Variants in CNTN4 observed in about 807,000 individuals in gnomAD.
CNTN4 encodes contactin 4.
In CNTN4, 77 loss-of-function variants were observed where a neutral mutation model predicts 122.5. The observed-to-expected ratio is 0.63, with a 90% CI of 0.52 to 0.76. CNTN4 has a LOEUF of 0.76. Among genes scored for constraint, CNTN4 ranks in the 30% least tolerant of loss-of-function variants. The pLI is 0.00. For missense variants in CNTN4, 1,256 were observed against 1,259.1 expected (o/e 1.00, Z 0.04); for synonymous variants, 512 against 447.0 (o/e 1.15, Z -1.83).
At chr3:2,848,577 A>T (rs2093494741) in intron 7 of CNTN4, among the ~76,000 whole-genome samples, 1 of 152,236 alleles carries the variant, frequency 6.6e-6, no homozygotes, top group Non-Finnish European at 1.5e-5. Flanking sequence ...GAGCTTAAAT[A>T]AACACGGGAA....
rs546701805 is a variant in CNTN4, at chr3:2,649,856, C to T, written c.55+78298C>T. Among the ~76,000 whole-genome samples, 31 of 151,812 alleles carry T rather than the reference C, an allele frequency of 2.0e-4. No homozygotes were observed. The East Asian group carries it at 4.6e-3, about 23-fold the overall frequency. On this transcript the variant is annotated intron_variant, in intron 4 of 24. Transcript: ENST00000418658. Reference sequence around the variant, plus strand: ...CATTAAGAAAATTTGTGGCTGGGCACGGTGGCTCATACCTGTAATACTAGC... The same window carrying T: ...CATTAAGAAAATTTGTGGCTGGGCATGGTGGCTCATACCTGTAATACTAGC...
At chr3:2,277,510 T>A (rs1473567062) in intron 2 of CNTN4, among the ~76,000 whole-genome samples, 1 of 152,122 alleles carries the variant, frequency 6.6e-6, no homozygotes, top group East Asian at 1.9e-4. Context: ...TTTCTTACCA[T>A]TGTTTTATTT....
intron 3 of CNTN4, among the ~76,000 whole-genome samples, chr3:2,566,957 A>G (rs1207479951): frequency 6.6e-6 from 1 of 152,152 alleles, no homozygotes; most frequent in Non-Finnish European, 1.5e-5. Flanking sequence ...TAAAATAGAT[A>G]TTATGTCCTT....
intron 4 of CNTN4, among the ~76,000 whole-genome samples, chr3:2,640,981 A>G (rs13095066): frequency 0.45 from 69,016 of 151,960 alleles, 16,019 homozygotes; most frequent in East Asian, 0.71. Context: ...ACAGGAAGAG[A>G]AAAAAATTGG....
At chr3:2,792,512 T>G (rs575921162) in intron 6 of CNTN4, among the ~76,000 whole-genome samples, 1 of 152,378 alleles carries the variant, frequency 6.6e-6, no homozygotes, top group East Asian at 1.9e-4. Context: ...TGCAGCTGAA[T>G]ATGTACTAAT....
At chr3:2,893,794 T>G (rs2094074026) in intron 10 of CNTN4, among the ~76,000 whole-genome samples, 1 of 152,186 alleles carries the variant, frequency 6.6e-6, no homozygotes, top group Admixed American at 6.5e-5. Flanking sequence ...TTAAATTTAC[T>G]TATAGGAGGT....
intron 12 of CNTN4, among the ~76,000 whole-genome samples, chr3:2,919,423 C>A (rs1318950274): frequency 6.6e-6 from 1 of 150,582 alleles, no homozygotes; most frequent in Admixed American, 6.6e-5. Flanking sequence ...TCAATAGGTT[C>A]ATTGATTAAA....
chr3:2,639,374 T>G (rs1178502648), intron 4 of CNTN4, among the ~76,000 whole-genome samples: 2 of 152,142 alleles, frequency 1.3e-5, no homozygotes, highest in African/African-American at 4.8e-5. Context: ...CTCCCTCAGA[T>G]CAGTGCTTGC....
chr3:2,301,765 A>C (rs1054462084), intron 2 of CNTN4, among the ~76,000 whole-genome samples: 5 of 152,228 alleles, frequency 3.3e-5, no homozygotes, highest in African/African-American at 1.2e-4. Context: ...CTTCAGACCG[A>C]ATCCACTTCG....
chr3:2,846,419 T>C (rs2093457135), intron 7 of CNTN4, among the ~76,000 whole-genome samples: 1 of 152,218 alleles, frequency 6.6e-6, no homozygotes, highest in Non-Finnish European at 1.5e-5. Context: ...ACCATGATTG[T>C]AAGTTTCCTG....
chr3:2,481,028 T>TTC (rs1553662966), intron 3 of CNTN4, among the ~76,000 whole-genome samples: 70 of 100,266 alleles, frequency 7.0e-4, no homozygotes, highest in African/African-American at 1.9e-3. Context: ...TTTCTTTTCT[T>TTC]TTTCTTTTCT....
chr3:2,211,927 C>G (rs975423039), intron 2 of CNTN4, among the ~76,000 whole-genome samples: 17 of 152,252 alleles, frequency 1.1e-4, no homozygotes, highest in African/African-American at 4.1e-4. Context: ...TTGCATTTAG[C>G]TCAGTACAGA....
chr3:2,752,027 A>G (rs2090119804), intron 6 of CNTN4, among the ~76,000 whole-genome samples: 1 of 152,144 alleles, frequency 6.6e-6, no homozygotes, highest in Admixed American at 6.5e-5. Flanking sequence ...ATTGTAAAGC[A>G]TATGTAAAAT....
chr3:2,290,535 C>T (rs1421585588), intron 2 of CNTN4, among the ~76,000 whole-genome samples: 8 of 152,016 alleles, frequency 5.3e-5, no homozygotes, highest in Admixed American at 2.0e-4. Context: ...AAAGACGATA[C>T]GTGAGACCTA....
At chr3:2,664,237 T>A (rs569768565) in intron 4 of CNTN4, among the ~76,000 whole-genome samples, 2 of 152,276 alleles carry the variant, frequency 1.3e-5, no homozygotes, top group South Asian at 4.1e-4. Flanking sequence ...AAGTTTGGGG[T>A]AATAGAAATA....
At chr3:2,536,188 C>T (rs35713675) in intron 3 of CNTN4, among the ~76,000 whole-genome samples, 16,905 of 152,110 alleles carry the variant, frequency 0.11, 1,212 homozygotes, top group Non-Finnish European at 0.17. Flanking sequence ...TCAAAGATGA[C>T]GTTTATATAT....
chr3:2,711,262 T>C (rs2087132443), intron 4 of CNTN4, among the ~76,000 whole-genome samples: 1 of 152,168 alleles, frequency 6.6e-6, no homozygotes, highest in African/African-American at 2.4e-5. Context: ...CGGTCAGGAC[T>C]TTGGTCAGTG....
intron 3 of CNTN4, among the ~76,000 whole-genome samples, chr3:2,538,342 C>T (rs117858669): frequency 6.6e-6 from 1 of 152,220 alleles, no homozygotes; most frequent in East Asian, 1.9e-4. Context: ...TACTGTGTTA[C>T]AGCAGCCCTA....
intron 4 of CNTN4, among the ~76,000 whole-genome samples, chr3:2,639,876 A>AT (rs2082826133): frequency 6.6e-6 from 1 of 152,168 alleles, no homozygotes; most frequent in Non-Finnish European, 1.5e-5. Context: ...GTTTGGACAT[A>AT]TTTTTTGTAA....
Sources: allele counts gnomAD v4.1 joint callset (sites outside exome capture counted in the v4.1 genomes callset), GRCh38; gene constraint gnomAD v4.1.1; transcripts MANE v1.5; gene names NCBI Gene and HGNC (gene_info 2026-07-23, HGNC 2026-07-21).